Variants in GTF2F2 observed in about 807,000 individuals in gnomAD.
GTF2F2 encodes the protein general transcription factor IIF subunit 2, also known as ATP-dependent helicase GTF2F2.
GTF2F2 carries 23 observed loss-of-function variants against 42.2 expected under a neutral mutation model. That is an observed-to-expected ratio of 0.55 (90% CI 0.39 to 0.77). The LOEUF (loss-of-function observed/expected upper bound fraction) is 0.77. GTF2F2 is among the 30% of genes least tolerant of loss of function. The probability of loss-of-function intolerance (pLI) is 0.00; values close to 1 mark genes in which losing one functional copy is unlikely to be tolerated. For missense variants in GTF2F2, 261 were observed against 287.2 expected (o/e 0.91, Z 0.66); for synonymous variants, 105 against 100.8 (o/e 1.04, Z -0.25).
At chr13:45,260,016 C>T (rs1876270655) in intron 6 of GTF2F2, among the ~76,000 whole-genome samples, 1 of 151,042 alleles carries the variant, frequency 6.6e-6, no homozygotes, top group African/African-American at 2.4e-5. Context: ...AGCTCTTGGC[C>T]AGAAAGAACT....
chr13:45,145,019 A>G (rs1037565145), intron 2 of GTF2F2, among the ~76,000 whole-genome samples: 14 of 152,300 alleles, frequency 9.2e-5, no homozygotes, highest in Admixed American at 7.8e-4. Flanking sequence ...CAGCTCAAGC[A>G]TTTTATTCAG....
At chr13:45,247,028 G>C (rs1351734552) in intron 5 of GTF2F2, among the ~76,000 whole-genome samples, 5 of 128,150 alleles carry the variant, frequency 3.9e-5, no homozygotes, top group African/African-American at 1.5e-4. Context: ...GACAGATCAA[G>C]ACTCTGTCTC....
intron 2 of GTF2F2, among the ~76,000 whole-genome samples, chr13:45,144,687 C>G (rs577528286): frequency 1.2e-4 from 18 of 151,916 alleles, no homozygotes; most frequent in Non-Finnish European, 2.1e-4. Context: ...GTGATCCACC[C>G]GCCTCGGCCT....
intron 5 of GTF2F2, among the ~76,000 whole-genome samples, chr13:45,216,089 C>A (rs1440380079): frequency 6.6e-6 from 1 of 152,006 alleles, no homozygotes; most frequent in Non-Finnish European, 1.5e-5. Context: ...ACAACAACAA[C>A]AAAAATTAGC....
At chr13:45,188,169 G>A (rs1371572937) in intron 4 of GTF2F2, among the ~76,000 whole-genome samples, 3 of 152,200 alleles carry the variant, frequency 2.0e-5, no homozygotes, top group African/African-American at 7.2e-5. Flanking sequence ...GCCTCCCAAA[G>A]TGCTGGGATT....
chr13:45,234,669 C>T (rs1037928724), intron 5 of GTF2F2, among the ~76,000 whole-genome samples: 1 of 152,172 alleles, frequency 6.6e-6, no homozygotes, highest in Non-Finnish European at 1.5e-5. Context: ...AACTTAATGT[C>T]AGAGTTGCAT....
intron 1 of GTF2F2, among the ~76,000 whole-genome samples, chr13:45,127,387 G>A (rs752925938): frequency 2.0e-5 from 3 of 151,714 alleles, no homozygotes; most frequent in African/African-American, 4.8e-5. Flanking sequence ...GTGAAGTGCT[G>A]TGAATTCGGC....
intron 5 of GTF2F2, among the ~76,000 whole-genome samples, chr13:45,215,770 A>G (rs1302299843): frequency 6.6e-6 from 1 of 151,836 alleles, no homozygotes; most frequent in African/African-American, 2.4e-5. Context: ...AAAAAAAAAA[A>G]AAGACTAAAA....
chr13:45,135,774 C>T (rs1395093466), intron 1 of GTF2F2, among the ~76,000 whole-genome samples: 1 of 152,084 alleles, frequency 6.6e-6, no homozygotes, highest in Non-Finnish European at 1.5e-5. Context: ...CCAAATTTGT[C>T]ATGAAAAAAT....
chr13:45,194,600 T>C, intron 4 of GTF2F2: 1 of 1,575,570 alleles, frequency 6.3e-7, no homozygotes, highest in Non-Finnish European at 8.6e-7. Flanking sequence ...TTGTTCTTCT[T>C]GGCTTTGAGA....
chr13:45,280,097 G>A (rs906533995), intron 7 of GTF2F2, among the ~76,000 whole-genome samples: 3 of 152,180 alleles, frequency 2.0e-5, no homozygotes, highest in Non-Finnish European at 2.9e-5. Context: ...AAAGAATGAG[G>A]GGTCCAGATT....
At chr13:45,130,312 G>A (rs1213773748) in intron 1 of GTF2F2, among the ~76,000 whole-genome samples, 4 of 152,194 alleles carry the variant, frequency 2.6e-5, no homozygotes, top group Non-Finnish European at 4.4e-5. Context: ...TGATGATAGG[G>A]CTGTTATAAG....
At chr13:45,282,099 G>C (rs1877291765) in intron 7 of GTF2F2, among the ~76,000 whole-genome samples, 2 of 152,146 alleles carry the variant, frequency 1.3e-5, no homozygotes, top group Non-Finnish European at 2.9e-5. Context: ...TACTTGGGAG[G>C]AGGCAGGAGA....
At chr13:45,199,374 AT>A (rs1873062203) in intron 4 of GTF2F2, among the ~76,000 whole-genome samples, 2 of 152,212 alleles carry the variant, frequency 1.3e-5, no homozygotes, top group Non-Finnish European at 1.5e-5. Context: ...CATTTCTTTG[AT>A]TTTCACTACA....
chr13:45,169,556 T>G (rs1452761089), intron 4 of GTF2F2, among the ~76,000 whole-genome samples: 1 of 152,268 alleles, frequency 6.6e-6, no homozygotes, highest in Non-Finnish European at 1.5e-5. Context: ...TTTAGTTTTT[T>G]GAACTAAGAA....
At chr13:45,273,998 G>A (rs567101985) in intron 7 of GTF2F2, among the ~76,000 whole-genome samples, 10 of 152,138 alleles carry the variant, frequency 6.6e-5, no homozygotes, top group Admixed American at 2.6e-4. Context: ...GTGTTGGATC[G>A]GTGTTCGAAG....
chr13:45,283,372 A>G (rs1454726471), intron 7 of GTF2F2, 70 bp from the exon 8 acceptor site: 72 of 1,386,462 alleles, frequency 5.2e-5, no homozygotes, highest in Non-Finnish European at 6.5e-5. Flanking sequence ...GCTTTGGCAT[A>G]TCATCTTATT....
At chr13:45,243,919 C>T (rs1393166100) in intron 5 of GTF2F2, among the ~76,000 whole-genome samples, 3 of 152,198 alleles carry the variant, frequency 2.0e-5, no homozygotes, top group South Asian at 2.1e-4. Context: ...CCTTGGCCTC[C>T]CAAAGTGCTG....
chr13:45,278,671 C>T (rs1268070524), intron 7 of GTF2F2, among the ~76,000 whole-genome samples: 2 of 151,904 alleles, frequency 1.3e-5, no homozygotes, highest in Non-Finnish European at 2.9e-5. Flanking sequence ...CTGTTCAAAT[C>T]GAATGATCAA....
Sources: gnomAD v4.1 joint callset for allele counts (sites outside exome capture counted in the v4.1 genomes callset) on GRCh38, gnomAD v4.1.1 for gene constraint, MANE v1.5 for transcripts, NCBI Gene and HGNC (gene_info 2026-07-23, HGNC 2026-07-21) for gene names.